The following PARD3B variants were observed in gnomAD, a reference collection of about 807,000 sequenced individuals.
The protein encoded by PARD3B is par-3 family cell polarity regulator beta.
Under a neutral mutation model 130.2 loss-of-function variants are expected in PARD3B, and 103 were observed. That is an observed-to-expected ratio of 0.79 (90% CI 0.67 to 0.93). The LOEUF (loss-of-function observed/expected upper bound fraction) is 0.93. Ranked by LOEUF, PARD3B falls within the 40% of genes least tolerant of loss-of-function variation. The probability of loss-of-function intolerance (pLI) is 0.00; values close to 1 mark genes in which losing one functional copy is unlikely to be tolerated. For missense variants in PARD3B, 1,609 were observed against 1,499.2 expected, an observed-to-expected ratio of 1.07 and a Z score of -1.21; for synonymous variants, 583 against 553.2, an observed-to-expected ratio of 1.05 and a Z score of -0.76.
chr2:204,797,003 C>T (rs534629790), intron 2 of PARD3B, among the ~76,000 whole-genome samples: 1 of 151,844 alleles, frequency 6.6e-6, no homozygotes, highest in East Asian at 1.9e-4. Flanking sequence ...GGTGAAACCT[C>T]GCCTCTACTA....
At chr2:204,614,159 A>G (rs1037619403) in intron 1 of PARD3B, among the ~76,000 whole-genome samples, 5 of 152,182 alleles carry the variant, frequency 3.3e-5, no homozygotes, top group Non-Finnish European at 7.3e-5. Flanking sequence ...AGTACTGTCC[A>G]ATAGAAATAT....
chr2:204,804,438 A>C (rs958340558), intron 2 of PARD3B, among the ~76,000 whole-genome samples: 3 of 152,214 alleles, frequency 2.0e-5, no homozygotes, highest in Non-Finnish European at 4.4e-5. Context: ...CAATTCAGCA[A>C]GAGGATATCA....
intron 2 of PARD3B, among the ~76,000 whole-genome samples, chr2:204,811,523 G>A (rs78067686): frequency 0.072 from 11,004 of 152,114 alleles, 532 homozygotes; most frequent in African/African-American, 0.13. Flanking sequence ...TTAGGGCTGT[G>A]GAATTTGATG....
At chr2:205,073,107 C>T (rs1390478163) in intron 4 of PARD3B, among the ~76,000 whole-genome samples, 2 of 152,068 alleles carry the variant, frequency 1.3e-5, no homozygotes, top group Non-Finnish European at 2.9e-5. Context: ...AAATAAAGAA[C>T]TAAGATTTTG....
At chr2:205,442,443 C>T (rs1373608791) in intron 20 of PARD3B, among the ~76,000 whole-genome samples, 1 of 152,006 alleles carries the variant, frequency 6.6e-6, no homozygotes, top group Non-Finnish European at 1.5e-5. Context: ...GCTGGGATTA[C>T]AGATGCCTGC....
intron 2 of PARD3B, among the ~76,000 whole-genome samples, chr2:204,783,878 G>A (rs1348716201): frequency 5.3e-5 from 8 of 152,018 alleles, no homozygotes; most frequent in African/African-American, 1.9e-4. Context: ...TATCATCTTC[G>A]ATGAGATTTC....
At chr2:205,168,288 G>GGAGAGAGAGAGAGAGAGAGAGA (rs761018109) in intron 11 of PARD3B, among the ~76,000 whole-genome samples, 5 of 126,906 alleles carry the variant, frequency 3.9e-5, no homozygotes, top group South Asian at 2.8e-4. Flanking sequence ...GGTGAGAAAG[G>GGAGAGAGAGAGAGAGAGAGAGA]GAGAGAGAGA....
At chr2:205,484,635 A>G (rs1051218672) in intron 20 of PARD3B, among the ~76,000 whole-genome samples, 1 of 152,206 alleles carries the variant, frequency 6.6e-6, no homozygotes, top group Non-Finnish European at 1.5e-5. Flanking sequence ...GTTGCTAATA[A>G]AGCTGTTGGA....
chr2:204,795,839 A>C (rs1472432276), intron 2 of PARD3B, among the ~76,000 whole-genome samples: 2 of 152,168 alleles, frequency 1.3e-5, no homozygotes, highest in Non-Finnish European at 2.9e-5. Context: ...TACTAACAGG[A>C]AGTAATTTCT....
chr2:204,915,141 A>G (rs998199933), intron 2 of PARD3B, among the ~76,000 whole-genome samples: 1 of 152,094 alleles, frequency 6.6e-6, no homozygotes, highest in African/African-American at 2.4e-5. Flanking sequence ...TCTGGAAAAC[A>G]TTTCCTTAAT....
intron 2 of PARD3B, among the ~76,000 whole-genome samples, chr2:204,848,406 G>C (rs1414925602): frequency 6.6e-6 from 1 of 152,052 alleles, no homozygotes; most frequent in East Asian, 1.9e-4. Flanking sequence ...CTGTTTTCTG[G>C]CTTCCAGAAT....
chr2:205,144,300 A>G (rs1177712255), intron 10 of PARD3B, among the ~76,000 whole-genome samples: 4 of 152,230 alleles, frequency 2.6e-5, no homozygotes, highest in East Asian at 1.9e-4. Context: ...TGAGCCTAGC[A>G]TATATCAGCC....
Position 204,655,928 on chromosome 2 carries a change from G to C in PARD3B, c.121-30253G>C, listed in dbSNP as rs554807770. 2.0e-5 allele frequency among the ~76,000 whole-genome samples: 3 copies of C among 152,218 alleles called. No individual in the cohort carries two copies. In the East Asian group the frequency reaches 5.8e-4, roughly 30 times the overall value. ...TGTCTGGGCCCTTTCAGGTATTTTG[G>C]GGTGAGAAGGTTGTAGGCTGGTTTA... On this transcript the variant is annotated intron_variant, in intron 1 of 22. Transcript: ENST00000406610.
At chr2:204,936,536 A>G (rs894336096) in intron 2 of PARD3B, among the ~76,000 whole-genome samples, 1 of 152,192 alleles carries the variant, frequency 6.6e-6, no homozygotes, top group Non-Finnish European at 1.5e-5. Context: ...TTTAATCCTC[A>G]TAATAATCCC....
chr2:204,597,916 C>A (rs2033362917), intron 1 of PARD3B, among the ~76,000 whole-genome samples: 1 of 152,080 alleles, frequency 6.6e-6, no homozygotes, highest in Non-Finnish European at 1.5e-5. Context: ...AATCACTGTA[C>A]CTTTGTTTAG....
chr2:204,719,446 C>A (rs1336894358), intron 2 of PARD3B, among the ~76,000 whole-genome samples: 2 of 152,144 alleles, frequency 1.3e-5, no homozygotes, highest in Non-Finnish European at 2.9e-5. Context: ...ATCTTAATAG[C>A]AGATATCTTT....
intron 1 of PARD3B, among the ~76,000 whole-genome samples, chr2:204,571,448 A>C (rs2125068558): frequency 6.6e-6 from 1 of 152,330 alleles, no homozygotes; most frequent in South Asian, 2.1e-4. Flanking sequence ...ATTATGATGA[A>C]GTATGATGAA....
At chr2:205,164,725 T>C (rs1173744461) in intron 11 of PARD3B, among the ~76,000 whole-genome samples, 2 of 152,062 alleles carry the variant, frequency 1.3e-5, no homozygotes, top group African/African-American at 2.4e-5. Flanking sequence ...AAAGTTGATA[T>C]AGCATGGTAA....
rs1438099489 is a variant in PARD3B at position 205,605,645 on chromosome 2, G to A, written c.3261-9811G>A. Among the ~76,000 whole-genome samples the A allele has an allele frequency of 2.0e-5, 3 of 152,026 alleles. No individual in the cohort carries two copies. In the East Asian group the frequency reaches 5.8e-4, roughly 29 times the overall value. On this transcript the variant is annotated intron_variant, in intron 22 of 22. Transcript: ENST00000406610. The stretch of plus-strand genomic sequence containing the variant: ...TCCTGTAGGATCTCTGTCCCAGAGG[G>A]GCATCGACCTGATGCCAGCAGGAAT...
Sources: allele counts gnomAD v4.1 joint callset (sites outside exome capture counted in the v4.1 genomes callset), GRCh38; gene constraint gnomAD v4.1.1; transcripts MANE v1.5; gene names NCBI Gene and HGNC (gene_info 2026-07-23, HGNC 2026-07-21).